The following PTPDC1 variants were observed in gnomAD, a reference collection of about 807,000 sequenced individuals.
The protein encoded by PTPDC1 is protein tyrosine phosphatase domain containing 1, also known as protein tyrosine phosphatase domain-containing protein 1.
In PTPDC1, 53 loss-of-function variants were observed where a neutral mutation model predicts 75.3. The ratio of observed to expected loss-of-function variants is 0.70; its 90% CI spans 0.56 to 0.88. The LOEUF is 0.88. Ranked by LOEUF, PTPDC1 falls within the 40% of genes least tolerant of loss-of-function variation. The pLI is 0.00. For missense variants in PTPDC1, 925 were observed against 998.6 expected (o/e 0.93, Z 0.99); for synonymous variants, 349 against 366.2 (o/e 0.95, Z 0.54).
At chr9:94,095,243 GTACTT>G in intron 4 of PTPDC1, 69 bp from the exon 5 acceptor site, 3 of 1,181,308 alleles carry the variant, frequency 2.5e-6, no homozygotes, top group Non-Finnish European at 3.7e-6. Flanking sequence ...GTAGATCTGT[GTACTT>G]TTCATTAGTG....
At position 94,109,323 on chromosome 9, in the gene PTPDC1, T is replaced by C. The variant is rs1828122611; in HGVS notation, c.*1379T>C. Reference sequence around the variant, plus strand: ...GAATTTCAGGGGAAGCAAGACTCATTTAGAACAAATGAAATTTCTCCAGTC... The same window carrying C: ...GAATTTCAGGGGAAGCAAGACTCATCTAGAACAAATGAAATTTCTCCAGTC... On this transcript the variant is annotated 3_prime_UTR_variant, in exon 9 of 9. Transcript: ENST00000620992. 6.6e-6 allele frequency: 1 copy of C among 152,240 alleles called. No individual in the cohort carries two copies. The highest frequency in any genetic ancestry group is 2.4e-5 in the African/African-American group (1 of 41,468). 9.4% of individuals were successfully genotyped at this position (152,240 alleles called of 1,614,324 possible).
intron 4 of PTPDC1, among the ~76,000 whole-genome samples, chr9:94,090,726 T>G (rs532268759): frequency 9.3e-5 from 12 of 128,972 alleles, no homozygotes; most frequent in Non-Finnish European, 1.3e-4. Context: ...GGAATGTTCT[T>G]CCATTTGTTT....
chr9:94,057,016 A>G (rs1470469359), intron 1 of PTPDC1, among the ~76,000 whole-genome samples: 1 of 152,230 alleles, frequency 6.6e-6, no homozygotes, highest in Non-Finnish European at 1.5e-5. Context: ...CTGATTCTAC[A>G]GCCAGGCATA....
intron 1 of PTPDC1, among the ~76,000 whole-genome samples, chr9:94,048,787 C>G (rs1825695486): frequency 6.6e-6 from 1 of 152,098 alleles, no homozygotes; most frequent in African/African-American, 2.4e-5. Flanking sequence ...GCTGATCTGT[C>G]TAATGGGGAT....
chr9:94,091,436 G>C (rs376071701), intron 4 of PTPDC1, among the ~76,000 whole-genome samples: 10,669 of 150,610 alleles, frequency 0.071, 526 homozygotes, highest in East Asian at 0.13. Flanking sequence ...ATGAAGCCCA[G>C]TTGATCATGG....
chr9:94,067,153 A>G (rs1369089810), intron 2 of PTPDC1, among the ~76,000 whole-genome samples: 1 of 152,018 alleles, frequency 6.6e-6, no homozygotes, highest in Non-Finnish European at 1.5e-5. Flanking sequence ...ACTTTGGGAC[A>G]CTGAGGTGGG....
chr9:94,067,554 T>C (rs1460209084), intron 2 of PTPDC1, among the ~76,000 whole-genome samples: 2 of 152,170 alleles, frequency 1.3e-5, no homozygotes, highest in Non-Finnish European at 2.9e-5. Flanking sequence ...ATATTGTGTG[T>C]GTATAATTTG....
chr9:94,107,757 CCTT>C (rs749506609), intron 8 of PTPDC1, 68 bp from the exon 9 acceptor site: 83 of 753,320 alleles, frequency 1.1e-4, no homozygotes, highest in Non-Finnish European at 1.6e-4. Flanking sequence ...TCCACCCCCT[CCTT>C]CTCTCAAAAT....
At chr9:94,096,262 G>A (rs1251150647) in intron 5 of PTPDC1, among the ~76,000 whole-genome samples, 1 of 152,186 alleles carries the variant, frequency 6.6e-6, no homozygotes. Context: ...ATGCGCAGGG[G>A]AGGGGACTCA....
intron 2 of PTPDC1, among the ~76,000 whole-genome samples, chr9:94,075,115 C>G (rs1826641018): frequency 7.2e-6 from 1 of 138,116 alleles, no homozygotes; most frequent in East Asian, 2.2e-4. Context: ...GCAGCACTGC[C>G]CATTTCTATC....
At chr9:94,061,755 G>A (rs1826147039) in intron 1 of PTPDC1, among the ~76,000 whole-genome samples, 1 of 152,224 alleles carries the variant, frequency 6.6e-6, no homozygotes, top group African/African-American at 2.4e-5. Flanking sequence ...GTGTCCTGGG[G>A]CTGCACAGGG....
At position 94,084,642 on chromosome 9, in the gene PTPDC1, C is replaced by G. The variant is rs775762003; in HGVS notation, c.112C>G (p.Arg38Gly). 7.1e-5 allele frequency: 115 copies of G among 1,613,278 alleles called. No individual in the cohort carries two copies. The highest frequency in any genetic ancestry group is 9.7e-5 in the Non-Finnish European group (114 of 1,179,714). ...CCCAGTACTGCGGCTGCAGCAGGCC[C>G]GGCGGGGCTCTGGCTTGGGCTCCGG... ...SDPVLRLQQA[R>G]RGSGLGSGSA... The change falls in exon 1 of 9, where the codon CGG (arginine) becomes GGG (glycine). Residue 38 changes from arginine to glycine, a missense_variant. Arg to Gly is a moderately radical substitution (Grantham distance 125, BLOSUM62 -2). Coordinates refer to ENST00000620992, the MANE Select transcript of PTPDC1 (RefSeq NM_001253829.2).
chr9:94,057,983 A>G (rs1176328202), intron 1 of PTPDC1, among the ~76,000 whole-genome samples: 2 of 152,202 alleles, frequency 1.3e-5, no homozygotes, highest in African/African-American at 4.8e-5. Flanking sequence ...TATCTTTTGG[A>G]TTTTGGAAAG....
intron 1 of PTPDC1, among the ~76,000 whole-genome samples, chr9:94,041,145 A>G (rs1802607597): frequency 6.6e-6 from 1 of 152,200 alleles, no homozygotes; most frequent in African/African-American, 2.4e-5. Context: ...GCCAGGATGT[A>G]CAAATCAACT....
At chr9:94,039,945 A>G (rs1436214583) in intron 1 of PTPDC1, among the ~76,000 whole-genome samples, 2 of 152,216 alleles carry the variant, frequency 1.3e-5, no homozygotes, top group East Asian at 3.8e-4. Flanking sequence ...ATTTTACTTA[A>G]AGATCTTTTA....
rs1362999530 is a variant in PTPDC1, at chr9:94,108,092, T to G, written c.*148T>G. On this transcript the variant is annotated 3_prime_UTR_variant, in exon 9 of 9. Transcript: ENST00000620992. Reference sequence around the variant, plus strand: ...TTGTGCTGAGAATGGTCGTCCGTATTTGAACCAATTATTTATTTTAAAATA... The same window carrying G: ...TTGTGCTGAGAATGGTCGTCCGTATGTGAACCAATTATTTATTTTAAAATA... 2 of 419,980 alleles carry G rather than the reference T, an allele frequency of 4.8e-6. No homozygotes were observed. The highest frequency in any genetic ancestry group is 4.1e-5 in the African/African-American group (2 of 48,676). 26.0% of individuals were successfully genotyped at this position (419,980 alleles called of 1,614,324 possible).
At chr9:94,033,568 T>G (rs1288248148) in intron 1 of PTPDC1, among the ~76,000 whole-genome samples, 2 of 152,206 alleles carry the variant, frequency 1.3e-5, no homozygotes, top group Non-Finnish European at 2.9e-5. Flanking sequence ...TGATTCTCAC[T>G]TTCCTAATCT....
At chr9:94,101,412 G>A (rs916763940) in intron 6 of PTPDC1, 154 bp from the exon 7 acceptor site, 1 of 524,808 alleles carries the variant, frequency 1.9e-6, no homozygotes, top group Non-Finnish European at 3.4e-6. Flanking sequence ...GCCTGGAAGT[G>A]GAGAGGCTGG....
At chr9:94,094,006 C>G (rs577103422) in intron 4 of PTPDC1, among the ~76,000 whole-genome samples, 2 of 152,096 alleles carry the variant, frequency 1.3e-5, no homozygotes, top group East Asian at 3.9e-4. Context: ...TCAAAGTTTT[C>G]AACTGCTTTG....
Sources: allele counts gnomAD v4.1 joint callset (sites outside exome capture counted in the v4.1 genomes callset), GRCh38; gene constraint gnomAD v4.1.1; transcripts MANE v1.5; gene names NCBI Gene and HGNC (gene_info 2026-07-23, HGNC 2026-07-21).